UQCC1: variants seen among roughly 807,000 people sequenced by gnomAD.
UQCC1 encodes the protein ubiquinol-cytochrome c reductase complex assembly factor 1, also known as bFGF-repressed Zic-binding protein.
In UQCC1, 38 loss-of-function variants were observed where a neutral mutation model predicts 48.0. The ratio of observed to expected loss-of-function variants is 0.79; its 90% CI spans 0.61 to 1.04. UQCC1 has a LOEUF of 1.04. UQCC1 is among the 50% of genes least tolerant of loss of function. UQCC1 has a pLI of 0.00. For synonymous variants in UQCC1, 111 were observed against 129.2 expected, an observed-to-expected ratio of 0.86 and a Z score of 0.95; for missense variants, 368 against 381.8, an observed-to-expected ratio of 0.96 and a Z score of 0.30.
intron 2 of UQCC1, among the ~76,000 whole-genome samples, chr20:35,389,341 G>T (rs1324241584): frequency 6.6e-6 from 1 of 152,026 alleles, no homozygotes; most frequent in Non-Finnish European, 1.5e-5. Flanking sequence ...GAGGCGCATA[G>T]ATCACAAGGT....
intron 2 of UQCC1, among the ~76,000 whole-genome samples, chr20:35,392,461 A>G (rs2062024871): frequency 6.6e-6 from 1 of 152,214 alleles, no homozygotes; most frequent in Non-Finnish European, 1.5e-5. Flanking sequence ...TAGGTGCTCA[A>G]GAAACGTTTA....
chr20:35,367,834 A>C (rs2061686596), intron 5 of UQCC1, among the ~76,000 whole-genome samples: 2 of 152,172 alleles, frequency 1.3e-5, no homozygotes, highest in African/African-American at 4.8e-5. Context: ...CTGAATAAGA[A>C]AGCATATTGT....
intron 7 of UQCC1, among the ~76,000 whole-genome samples, chr20:35,331,107 C>T (rs4911490): frequency 0.086 from 13,020 of 152,056 alleles, 746 homozygotes; most frequent in South Asian, 0.22. Flanking sequence ...CTTAGCAAAA[C>T]GGTATGGGAC....
At chr20:35,321,275 TGTGTGTGTGCGC>T (rs1600868418) in intron 7 of UQCC1, among the ~76,000 whole-genome samples, 1 of 145,698 alleles carries the variant, frequency 6.9e-6, no homozygotes, top group Non-Finnish European at 1.5e-5. Flanking sequence ...TGTGTGTGTG[TGTGTGTGTGCGC>T]GCGCGCGCGC....
At chr20:35,402,181 G>A (rs1427117918) in intron 1 of UQCC1, among the ~76,000 whole-genome samples, 2 of 152,004 alleles carry the variant, frequency 1.3e-5, no homozygotes, top group African/African-American at 2.4e-5. Context: ...AGTGGCTCAC[G>A]CCTGTAATCC....
intron 4 of UQCC1, among the ~76,000 whole-genome samples, chr20:35,374,706 A>G (rs1201711528): frequency 1.3e-5 from 2 of 152,136 alleles, no homozygotes; most frequent in Admixed American, 6.5e-5. Flanking sequence ...CTATTCTATA[A>G]ATCTCGGGGG....
intron 1 of UQCC1, among the ~76,000 whole-genome samples, chr20:35,400,499 CTTTT>C (rs761826611): frequency 1.4e-5 from 2 of 141,272 alleles, no homozygotes; most frequent in Admixed American, 7.1e-5. Flanking sequence ...AAATTTTTTT[CTTTT>C]TTTTTTTTTT....
At chr20:35,331,571 T>C (rs1225658064) in intron 7 of UQCC1, among the ~76,000 whole-genome samples, 2 of 152,088 alleles carry the variant, frequency 1.3e-5, no homozygotes, top group African/African-American at 4.8e-5. Context: ...TTCACACATA[T>C]CGTTTTAAAT....
chr20:35,310,919 C>T (rs1219288494), intron 8 of UQCC1, among the ~76,000 whole-genome samples: 3 of 147,694 alleles, frequency 2.0e-5, no homozygotes, highest in South Asian at 2.2e-4. Flanking sequence ...AGGCTGGTCT[C>T]GAACTCTTGG....
At chr20:35,382,552 G>A (rs1219207560) in intron 3 of UQCC1, among the ~76,000 whole-genome samples, 13 of 118,014 alleles carry the variant, frequency 1.1e-4, no homozygotes, top group African/African-American at 4.4e-4. Context: ...TTGCTCTGTC[G>A]CCCAGGCTGG....
At chr20:35,350,732 A>T (rs893222530) in intron 6 of UQCC1, among the ~76,000 whole-genome samples, 3 of 147,434 alleles carry the variant, frequency 2.0e-5, no homozygotes, top group African/African-American at 7.6e-5. Context: ...CCCAAATGAG[A>T]TTTACTGATG....
At chr20:35,347,693 T>C (rs2061446279) in intron 6 of UQCC1, among the ~76,000 whole-genome samples, 1 of 152,198 alleles carries the variant, frequency 6.6e-6, no homozygotes, top group African/African-American at 2.4e-5. Context: ...AAACTGGGTA[T>C]AGAACTGTGC....
chr20:35,332,642 G>A (rs1361297888), intron 7 of UQCC1, among the ~76,000 whole-genome samples: 1 of 152,200 alleles, frequency 6.6e-6, no homozygotes, highest in Non-Finnish European at 1.5e-5. Context: ...GCCAGACTTG[G>A]AGAAAGAAGA....
At chr20:35,363,295 G>T (rs1215521456) in intron 6 of UQCC1, among the ~76,000 whole-genome samples, 1 of 152,144 alleles carries the variant, frequency 6.6e-6, no homozygotes, top group Non-Finnish European at 1.5e-5. Flanking sequence ...CAGGATATAG[G>T]GGAGGAGGCC....
At chr20:35,312,865 A>G (rs1300187272) in intron 8 of UQCC1, among the ~76,000 whole-genome samples, 2 of 152,166 alleles carry the variant, frequency 1.3e-5, no homozygotes, top group Non-Finnish European at 2.9e-5. Flanking sequence ...TCATAGAGAC[A>G]TAAAGTCAAA....
intron 4 of UQCC1, among the ~76,000 whole-genome samples, chr20:35,376,195 T>G (rs1420452185): frequency 6.6e-6 from 1 of 150,604 alleles, no homozygotes; most frequent in African/African-American, 2.4e-5. Context: ...GTAATCCCAG[T>G]TACTTGGGAG....
chr20:35,313,315 G>C (rs2061014852), intron 8 of UQCC1, among the ~76,000 whole-genome samples: 1 of 145,086 alleles, frequency 6.9e-6, no homozygotes, highest in Non-Finnish European at 1.5e-5. Context: ...GGTGGAGCTT[G>C]TGGTAAGTAG....
intron 4 of UQCC1, among the ~76,000 whole-genome samples, chr20:35,381,082 C>T (rs547121321): frequency 6.6e-6 from 1 of 152,180 alleles, no homozygotes; most frequent in African/African-American, 2.4e-5. Flanking sequence ...TTATAAAAGC[C>T]CAGGGGCAGT....
At chr20:35,355,241 T>G (rs1298849184) in intron 6 of UQCC1, among the ~76,000 whole-genome samples, 1 of 152,180 alleles carries the variant, frequency 6.6e-6, no homozygotes, top group African/African-American at 2.4e-5. Context: ...GAAGAAATGC[T>G]ATATAAAACT....
Sources: allele counts gnomAD v4.1 joint callset (sites outside exome capture counted in the v4.1 genomes callset), GRCh38; gene constraint gnomAD v4.1.1; transcripts MANE v1.5; gene names NCBI Gene and HGNC (gene_info 2026-07-23, HGNC 2026-07-21).